PTPRO: variants seen among roughly 807,000 people sequenced by gnomAD.
PTPRO encodes protein tyrosine phosphatase receptor type O, also known as receptor-type tyrosine-protein phosphatase O.
Under a neutral mutation model 145.2 loss-of-function variants are expected in PTPRO, and 62 were observed. The ratio of observed to expected loss-of-function variants is 0.43; its 90% CI spans 0.35 to 0.53. The LOEUF is 0.53. Ranked by LOEUF, PTPRO falls within the 20% of genes least tolerant of loss-of-function variation. The pLI is 0.01. For missense variants in PTPRO, 1,345 were observed against 1,482.7 expected (o/e 0.91, Z 1.53); for synonymous variants, 565 against 514.7 (o/e 1.10, Z -1.32).
intron 12 of PTPRO, among the ~76,000 whole-genome samples, chr12:15,545,331 G>A (rs2135546812): frequency 6.6e-6 from 1 of 151,834 alleles, no homozygotes; most frequent in South Asian, 2.1e-4. Flanking sequence ...TGTGAACCTA[G>A]CAGCAAGGTA....
chr12:15,481,489 A>C (rs1270059924), intron 1 of PTPRO, among the ~76,000 whole-genome samples: 1 of 152,220 alleles, frequency 6.6e-6, no homozygotes, highest in East Asian at 1.9e-4. Flanking sequence ...GACATAGTCC[A>C]ATAAAGGGAT....
chr12:15,472,859 T>C (rs1941572614), intron 1 of PTPRO, among the ~76,000 whole-genome samples: 1 of 152,156 alleles, frequency 6.6e-6, no homozygotes, highest in African/African-American at 2.4e-5. Context: ...GGGCAGAAAT[T>C]ACAAACACTT....
chr12:15,329,701 A>G (rs1440769213), intron 1 of PTPRO, among the ~76,000 whole-genome samples: 1 of 152,228 alleles, frequency 6.6e-6, no homozygotes, highest in African/African-American at 2.4e-5. Context: ...TAGGTACAGA[A>G]GTGGATAATA....
At chr12:15,387,384 A>G (rs1939059692) in intron 1 of PTPRO, among the ~76,000 whole-genome samples, 1 of 143,790 alleles carries the variant, frequency 7.0e-6, no homozygotes, top group Non-Finnish European at 1.5e-5. Flanking sequence ...GGGGGTGGGT[A>G]AGGGATCTCC....
At chr12:15,330,947 T>C (rs535267873) in intron 1 of PTPRO, among the ~76,000 whole-genome samples, 1 of 152,032 alleles carries the variant, frequency 6.6e-6, no homozygotes, top group African/African-American at 2.4e-5. Context: ...ACCTTTGAGT[T>C]TGAAGCAGTT....
At chr12:15,520,564 G>A (rs1353581548) in intron 10 of PTPRO, among the ~76,000 whole-genome samples, 1 of 152,140 alleles carries the variant, frequency 6.6e-6, no homozygotes. Context: ...CTTGATTAAT[G>A]TACTCTCCGG....
intron 12 of PTPRO, among the ~76,000 whole-genome samples, chr12:15,541,883 G>A (rs1943187713): frequency 6.6e-6 from 1 of 152,060 alleles, no homozygotes; most frequent in African/African-American, 2.4e-5. Flanking sequence ...GTGGTGGCAG[G>A]CACCTGTAGT....
At chr12:15,345,639 C>T (rs1591722333) in intron 1 of PTPRO, among the ~76,000 whole-genome samples, 1 of 152,004 alleles carries the variant, frequency 6.6e-6, no homozygotes, top group African/African-American at 2.4e-5. Flanking sequence ...GGAGAAATAC[C>T]TAATGTTGAT....
intron 15 of PTPRO, among the ~76,000 whole-genome samples, 189 bp from the exon 16 acceptor site, chr12:15,557,266 G>A (rs745876951): frequency 3.9e-5 from 6 of 152,152 alleles, no homozygotes; most frequent in Non-Finnish European, 7.3e-5. Flanking sequence ...CTGACCTCAG[G>A]TGATCCGCCC....
chr12:15,523,098 A>C (rs1465840814), intron 10 of PTPRO, among the ~76,000 whole-genome samples: 1 of 152,248 alleles, frequency 6.6e-6, no homozygotes, highest in East Asian at 1.9e-4. Context: ...ATTGCTAAGC[A>C]TACTATATAA....
At chr12:15,429,900 G>A (rs528673724) in intron 1 of PTPRO, among the ~76,000 whole-genome samples, 64 of 152,148 alleles carry the variant, frequency 4.2e-4, no homozygotes, top group African/African-American at 1.0e-3. Flanking sequence ...AAAGAGTGAA[G>A]GTAAGAGAGG....
chr12:15,323,375 T>C (rs1016358121), intron 1 of PTPRO, among the ~76,000 whole-genome samples: 1 of 152,164 alleles, frequency 6.6e-6, no homozygotes, highest in Non-Finnish European at 1.5e-5. Flanking sequence ...CAATTCCTTT[T>C]AAAAAGTCTC....
intron 1 of PTPRO, among the ~76,000 whole-genome samples, chr12:15,385,752 C>T (rs1420071239): frequency 7.4e-6 from 1 of 134,990 alleles, no homozygotes; most frequent in Non-Finnish European, 1.5e-5. Context: ...GTGGAGGTTG[C>T]AGTGAGCAGA....
chr12:15,490,156 A>G (rs1249451746), intron 2 of PTPRO, among the ~76,000 whole-genome samples: 1 of 152,234 alleles, frequency 6.6e-6, no homozygotes, highest in Non-Finnish European at 1.5e-5. Flanking sequence ...AAGCCAAGAG[A>G]TCCTGAATCC....
intron 1 of PTPRO, among the ~76,000 whole-genome samples, chr12:15,409,196 A>G (rs2136309995): frequency 6.6e-6 from 1 of 152,298 alleles, no homozygotes; most frequent in African/African-American, 2.4e-5. Context: ...ATGCTGCGTC[A>G]AAACAGTGTA....
At chr12:15,332,968 G>A (rs956836610) in intron 1 of PTPRO, among the ~76,000 whole-genome samples, 29 of 152,152 alleles carry the variant, frequency 1.9e-4, no homozygotes, top group African/African-American at 6.0e-4. Flanking sequence ...TCACTGTTCT[G>A]TCCTCATCCT....
chr12:15,534,001 G>A (rs1312189359), intron 12 of PTPRO, among the ~76,000 whole-genome samples: 2 of 152,146 alleles, frequency 1.3e-5, no homozygotes, highest in Non-Finnish European at 2.9e-5. Context: ...CAAGGGTAGA[G>A]AGCCCTCAAA....
intron 1 of PTPRO, among the ~76,000 whole-genome samples, chr12:15,361,966 A>G (rs753741698): frequency 6.6e-6 from 1 of 152,176 alleles, no homozygotes; most frequent in Non-Finnish European, 1.5e-5. Flanking sequence ...GCACAGTAAT[A>G]CTAACTGTAG....
In PTPRO at chr12:15,493,215, A is replaced by G. The variant is rs987828973; in HGVS notation, c.350-4030A>G. Among the ~76,000 whole-genome samples, 7 of 152,152 alleles carry G rather than the reference A, an allele frequency of 4.6e-5. No individual in the cohort carries two copies. In the East Asian group the frequency reaches 1.3e-3, roughly 29 times the overall value. On this transcript the variant is annotated intron_variant, in intron 2 of 26. Coordinates refer to ENST00000281171, the MANE Select transcript of PTPRO (RefSeq NM_030667.3). ...ACATCTTCAAAGTACTGAGGAAAAT[A>G]CCTGTCTACCTAGAATTTTATACCC...
Sources: allele counts gnomAD v4.1 joint callset (sites outside exome capture counted in the v4.1 genomes callset), GRCh38; gene constraint gnomAD v4.1.1; transcripts MANE v1.5; gene names NCBI Gene and HGNC (gene_info 2026-07-23, HGNC 2026-07-21).